The following PNPLA4 variants were observed in gnomAD, a reference collection of about 807,000 sequenced individuals.
PNPLA4 encodes patatin-like phospholipase domain-containing protein 4.
Under a neutral mutation model 18.3 loss-of-function variants are expected in PNPLA4, and 15 were observed. The observed-to-expected ratio is 0.82, with a 90% CI of 0.55 to 1.26. The LOEUF (loss-of-function observed/expected upper bound fraction) is 1.26, where lower values mean the gene tolerates loss of function less well. Among genes scored for constraint, PNPLA4 ranks in the 50% most tolerant of loss-of-function variants. The pLI, the probability that PNPLA4 is intolerant of heterozygous loss-of-function variation, is 0.00. For synonymous variants in PNPLA4, 88 were observed against 85.6 expected (o/e 1.03, Z -0.16); for missense variants, 229 against 196.8 (o/e 1.16, Z -0.98).
intron 1 of PNPLA4, 148 bp downstream of exon 1, chrX:7,927,138 A>C (rs1415436555): frequency 1.8e-5 from 2 of 113,097 alleles, no homozygotes; most frequent in African/African-American, 6.4e-5. Flanking sequence ...TGGGGACGGG[A>C]AGGGGGTTGG....
intron 2 of PNPLA4, among the ~76,000 whole-genome samples, chrX:7,924,245 C>A (rs1355154837): frequency 9.0e-6 from 1 of 111,420 alleles, no homozygotes; most frequent in Non-Finnish European, 1.9e-5. Flanking sequence ...ATCAGGTGCT[C>A]CTCTTAATTA....
chrX:7,927,566 C>T (rs1166345110), upstream of PNPLA4: 1 of 113,506 alleles, frequency 8.8e-6, no homozygotes, highest in South Asian at 3.6e-4. Flanking sequence ...AAGGATTCCT[C>T]GTTTAGAGTC....
At chrX:7,901,954 G>A in intron 6 of PNPLA4, 35 bp downstream of exon 6, 1 of 1,182,696 alleles carries the variant, frequency 8.5e-7, no homozygotes, top group Non-Finnish European at 1.1e-6. Context: ...TAGTAGATCA[G>A]AACTCTTCAA....
intron 4 of PNPLA4, among the ~76,000 whole-genome samples, 162 bp downstream of exon 4, chrX:7,921,551 C>T (rs2231792): frequency 5.4e-5 from 6 of 111,832 alleles, no homozygotes; most frequent in African/African-American, 1.3e-4. Flanking sequence ...GGGATCCTGG[C>T]GAATACTTTC....
chrX:7,920,384 A>G (rs1431172806), intron 4 of PNPLA4, among the ~76,000 whole-genome samples: 2 of 111,992 alleles, frequency 1.8e-5, no homozygotes, highest in African/African-American at 6.5e-5. Flanking sequence ...TCAAGTCTAC[A>G]TAATATTGTA....
chrX:7,907,886 T>A (rs1923756832), intron 5 of PNPLA4, among the ~76,000 whole-genome samples: 1 of 73,985 alleles, frequency 1.4e-5, no homozygotes, highest in African/African-American at 5.7e-5. Flanking sequence ...TATGCCTGGC[T>A]AATTTTTGTT....
At position 7,925,950 on chromosome X, in the gene PNPLA4, T is replaced by G. The variant is rs1802576; in HGVS notation, c.170A>C (p.Glu57Ala). The change falls in exon 2 of 7, where the codon GAA (glutamate) becomes GCA (alanine). Residue 57 changes from glutamate (E) to alanine (A), a missense_variant. Physicochemically the swap from Glu to Ala is moderately radical, Grantham distance 107. Transcript: ENST00000381042. The stretch of plus-strand genomic sequence containing the variant: ...TTACTACTTAATTACCTCTATTTTT[T>G]CTGGTGCTGTTAGCAGAACAGAAGC... Reference protein sequence around the residue: ...LVASVLLTAPEKIEECNQFTY... With the variant: ...LVASVLLTAPAKIEECNQFTY... The G allele has an allele frequency of 3.6e-5, 44 of 1,207,366 alleles. No homozygotes were observed. Among genetic ancestry groups the G allele is most frequent in the Non-Finnish European group, 2.7e-5 (24 of 893,426 alleles).
rs376679511 is a variant in PNPLA4 at position 7,900,676 on chromosome X, T to C, written c.*10A>G. On this transcript the variant is annotated 3_prime_UTR_variant, in exon 7 of 7. Transcript: ENST00000381042. ...TAAAACGTGTTTTGCATTATAAACT[T>C]TTATGCATTTTATTCAAACCAATTT... The C allele has an allele frequency of 2.7e-6, 3 of 1,104,436 alleles. No individual in the cohort carries two copies. The African/African-American group carries it at 5.5e-5, about 20-fold the overall frequency. The allele number at this position is 1,104,436 out of a possible 1,213,427, so 91.0% of individuals were successfully genotyped here. A position where few individuals can be genotyped will look rare whatever the true frequency, so the allele number is the denominator to read the frequency against.
Position 7,905,936 on chromosome X carries a change from T to C in PNPLA4, c.478-3795A>G, listed in dbSNP as rs1414557064. On this transcript the variant is annotated intron_variant, in intron 5 of 6. Transcript: ENST00000381042. ...GACAATGTTGAAAGCATTTGCTATC[T>C]GATACTTTACAGAGAATAAAACATC... 2.7e-5 allele frequency among the ~76,000 whole-genome samples: 3 copies of C among 112,565 alleles called. No homozygotes were observed. The East Asian group carries it at 8.3e-4, about 31-fold the overall frequency.
intron 5 of PNPLA4, 32 bp from the exon 6 acceptor site, chrX:7,902,173 G>A (rs1273148046): frequency 5.2e-6 from 6 of 1,160,102 alleles, no homozygotes; most frequent in Non-Finnish European, 4.6e-6. Flanking sequence ...GTCAGCACAC[G>A]TCAACAACAC....
At chrX:7,924,902 C>A (rs1355725302) in intron 2 of PNPLA4, among the ~76,000 whole-genome samples, 1 of 112,034 alleles carries the variant, frequency 8.9e-6, no homozygotes, top group Non-Finnish European at 1.9e-5. Flanking sequence ...CCCTGAAAGC[C>A]CTCTGCTTCA....
rs1267221591 is a variant in PNPLA4, at chrX:7,927,340, G to C, written c.-68C>G. ...AACGAGTCCCTTTAACCAGATGGCG[G>C]GGCCGGGCCGTCACTCAACGCCATT... On this transcript the variant is annotated 5_prime_UTR_variant, in exon 1 of 7. Coordinates refer to ENST00000381042, the MANE Select transcript of PNPLA4 (RefSeq NM_004650.3). 4.4e-5 allele frequency: 5 copies of C among 113,119 alleles called. No individual in the cohort carries two copies. Among genetic ancestry groups the C allele is most frequent in the Non-Finnish European group, 9.4e-5 (5 of 53,308 alleles). The allele number at this position is 113,119 out of a possible 1,213,427, so 9.3% of individuals were successfully genotyped here.
intron 2 of PNPLA4, among the ~76,000 whole-genome samples, chrX:7,924,777 A>G (rs1026789351): frequency 3.6e-5 from 4 of 112,252 alleles, no homozygotes; most frequent in Non-Finnish European, 1.9e-5. Context: ...TTAATTCTAA[A>G]TCATACAATA....
At position 7,899,624 on chromosome X, in the gene PNPLA4, G is replaced by GGAGAGAGA; in HGVS notation, c.*1061_*1062insTCTCTCTC. ...AATAGCTAAATACTCAGAGAGGTAT[G>GGAGAGAGA]GCGAGAGAGAGAGAGAGAGAGAGAG... is the stretch of plus-strand genomic sequence containing the variant. On this transcript the variant is annotated 3_prime_UTR_variant, in exon 7 of 7. Transcript: ENST00000381042. The GGAGAGAGA allele has an allele frequency of 1.0e-4, 2 of 19,658 alleles. No individual in the cohort carries two copies. Among genetic ancestry groups the GGAGAGAGA allele is most frequent in the Non-Finnish European group, 2.1e-4 (2 of 9,307 alleles). The allele number at this position is 19,658 out of a possible 1,213,427, so 1.6% of individuals were successfully genotyped here.
chrX:7,922,536 G>T (rs758437994), intron 2 of PNPLA4, among the ~76,000 whole-genome samples: 1 of 112,238 alleles, frequency 8.9e-6, no homozygotes, highest in African/African-American at 3.2e-5. Flanking sequence ...GACGTCTATG[G>T]TTTGCACAGA....
At position 7,902,096 on chromosome X, in the gene PNPLA4, C is replaced by T. The variant is rs185938499; in HGVS notation, c.523G>A (p.Val175Ile). 8.7e-5 allele frequency: 105 copies of T among 1,206,508 alleles called. No homozygotes were observed. The highest frequency in any genetic ancestry group is 4.4e-4 in the Admixed American group (20 of 45,353). Residue 175 changes from valine to isoleucine, a missense_variant, in exon 6 of 7, where the codon GTC (valine) becomes ATC (isoleucine). Physicochemically the swap from Val to Ile is conservative, Grantham distance 29. Coordinates refer to ENST00000381042, the MANE Select transcript of PNPLA4 (RefSeq NM_004650.3). Reference sequence around the variant, plus strand: ...GGGGAGATGGTTACTGTCCGGCCGACGGGCAGGATGGGAAGAGCGTTGGTG... The same window carrying T: ...GGGGAGATGGTTACTGTCCGGCCGATGGGCAGGATGGGAAGAGCGTTGGTG... Reference protein sequence around the residue: ...GLTNALPILPVGRTVTISPFS... With the variant: ...GLTNALPILPIGRTVTISPFS...
intron 4 of PNPLA4, among the ~76,000 whole-genome samples, chrX:7,915,729 T>C (rs1478496150): frequency 2.7e-5 from 3 of 112,324 alleles, no homozygotes; most frequent in African/African-American, 9.7e-5. Context: ...GATTAAATTC[T>C]CAGCAAGTTT....
intron 5 of PNPLA4, 39 bp from the exon 6 acceptor site, chrX:7,902,180 A>G (rs1228161563): frequency 1.2e-5 from 14 of 1,148,090 alleles, no homozygotes; most frequent in Non-Finnish European, 1.6e-5. Flanking sequence ...CACGTCAACA[A>G]CACATCCTGC....
At chrX:7,904,771 G>T (rs1923654795) in intron 5 of PNPLA4, among the ~76,000 whole-genome samples, 1 of 111,735 alleles carries the variant, frequency 8.9e-6, no homozygotes, top group Non-Finnish European at 1.9e-5. Context: ...TTGCTTCATG[G>T]GCAGCATTTT....
Sources: gnomAD v4.1 joint callset for allele counts (sites outside exome capture counted in the v4.1 genomes callset) on GRCh38, gnomAD v4.1.1 for gene constraint, MANE v1.5 for transcripts, NCBI Gene and HGNC (gene_info 2026-07-23, HGNC 2026-07-21) for gene names.